PTPRJ: variants seen among roughly 807,000 people sequenced by gnomAD.
PTPRJ encodes receptor-type tyrosine-protein phosphatase eta.
In PTPRJ, 129 loss-of-function variants were observed where a neutral mutation model predicts 141.3. The ratio of observed to expected loss-of-function variants is 0.91; its 90% CI spans 0.79 to 1.06. The LOEUF (loss-of-function observed/expected upper bound fraction) is 1.06, where lower values mean the gene tolerates loss of function less well. PTPRJ is among the 50% of genes least tolerant of loss of function. The probability of loss-of-function intolerance (pLI) is 0.00; values close to 1 mark genes in which losing one functional copy is unlikely to be tolerated. For synonymous variants in PTPRJ, 610 were observed against 640.5 expected (o/e 0.95, Z 0.72); for missense variants, 1,601 against 1,679.7 (o/e 0.95, Z 0.82).
At chr11:48,059,186 G>T (rs1182738276) in intron 1 of PTPRJ, among the ~76,000 whole-genome samples, 1 of 142,250 alleles carries the variant, frequency 7.0e-6, no homozygotes, top group Non-Finnish European at 1.5e-5. Context: ...GCAATGGCGT[G>T]ATCTCAGCTC....
chr11:48,122,246 G>A (rs1297351503), intron 4 of PTPRJ, among the ~76,000 whole-genome samples: 1 of 152,182 alleles, frequency 6.6e-6, no homozygotes, highest in Non-Finnish European at 1.5e-5. Context: ...GGAAAGGAGA[G>A]CACAGAGAGA....
At chr11:48,117,914 C>T (rs1196255324) in intron 3 of PTPRJ, among the ~76,000 whole-genome samples, 1 of 151,940 alleles carries the variant, frequency 6.6e-6, no homozygotes, top group East Asian at 1.9e-4. Context: ...TACAAAGGAA[C>T]AATTATGAAC....
Position 48,168,532 on chromosome 11 carries a change from G to GTATATATATATATATATATA in PTPRJ, c.*1171_*1172insATATATATATATATATATAT, listed in dbSNP as rs1555061195. ...GCCGTGACACATATCGGAATCTACT[G>GTATATATATATATATATATA]TGTATATATATATATATATATATAT... is the stretch of plus-strand genomic sequence containing the variant. On this transcript the variant is annotated 3_prime_UTR_variant, in exon 25 of 25. Transcript: ENST00000418331. 2.3e-5 allele frequency: 1 copy of GTATATATATATATATATATA among 43,900 alleles called. No individual in the cohort carries two copies. The highest frequency in any genetic ancestry group is 4.3e-5 in the Non-Finnish European group (1 of 23,218). The allele number at this position is 43,900 out of a possible 1,614,324, so 2.7% of individuals were successfully genotyped here. A position where few individuals can be genotyped will look rare whatever the true frequency, so the allele number is the denominator to read the frequency against.
At chr11:47,990,623 G>A (rs1376675856) in intron 1 of PTPRJ, among the ~76,000 whole-genome samples, 1 of 151,564 alleles carries the variant, frequency 6.6e-6, no homozygotes, top group Non-Finnish European at 1.5e-5. Context: ...TGTTGGCCAG[G>A]CTGGTCTGGA....
At chr11:48,030,356 C>T (rs2626571) in intron 1 of PTPRJ, among the ~76,000 whole-genome samples, 1 of 152,176 alleles carries the variant, frequency 6.6e-6, no homozygotes, top group Non-Finnish European at 1.5e-5. Context: ...CTCTTAGAGG[C>T]CCCAGGCTGT....
intron 1 of PTPRJ, among the ~76,000 whole-genome samples, chr11:48,096,620 C>T (rs1299682360): frequency 2.6e-5 from 4 of 151,612 alleles, no homozygotes; most frequent in Admixed American, 2.0e-4. Context: ...AACCAAACCA[C>T]CCCTCAGTTC....
intron 5 of PTPRJ, 114 bp downstream of exon 5, chr11:48,123,984 G>T: frequency 8.0e-7 from 1 of 1,246,518 alleles, no homozygotes; most frequent in Non-Finnish European, 1.1e-6. Context: ...ATTTATAAAG[G>T]GCTTTTCCTC....
intron 1 of PTPRJ, among the ~76,000 whole-genome samples, chr11:47,987,242 G>A (rs1215399142): frequency 1.3e-5 from 2 of 152,030 alleles, no homozygotes; most frequent in African/African-American, 2.4e-5. Flanking sequence ...ATTTATTTTA[G>A]GGGGTCTTAG....
chr11:48,063,342 C>G lies in PTPRJ; in HGVS notation c.97-46716C>G, dbSNP rs572197665. On this transcript the variant is annotated intron_variant, in intron 1 of 24. Transcript: ENST00000418331. ...GACTCCATCTCAAAAACAACAACAACAAGAACAACAAGAACAAAAGAAAAA... is the reference window on the plus strand; with the variant it reads ...GACTCCATCTCAAAAACAACAACAAGAAGAACAACAAGAACAAAAGAAAAA... 4.6e-5 allele frequency among the ~76,000 whole-genome samples: 7 copies of G among 152,256 alleles called. No homozygotes were observed. The East Asian group carries it at 1.4e-3, about 29-fold the overall frequency.
intron 9 of PTPRJ, among the ~76,000 whole-genome samples, chr11:48,136,547 C>A (rs1208143149): frequency 6.6e-6 from 1 of 152,190 alleles, no homozygotes; most frequent in Non-Finnish European, 1.5e-5. Context: ...TGGTTCTAGT[C>A]ATTCCTTGAG....
At chr11:48,117,238 C>T (rs1021310676) in intron 3 of PTPRJ, among the ~76,000 whole-genome samples, 2 of 152,022 alleles carry the variant, frequency 1.3e-5, no homozygotes, top group African/African-American at 4.8e-5. Context: ...GCAATAAACT[C>T]CTACATCAAA....
At chr11:48,138,367 C>A (rs1257917219) in intron 10 of PTPRJ, among the ~76,000 whole-genome samples, 2 of 152,158 alleles carry the variant, frequency 1.3e-5, no homozygotes, top group Non-Finnish European at 2.9e-5. Context: ...TGTATCTGAG[C>A]ATTTATGACT....
intron 1 of PTPRJ, among the ~76,000 whole-genome samples, chr11:48,019,753 G>C (rs1313965036): frequency 6.6e-6 from 1 of 152,208 alleles, no homozygotes; most frequent in Admixed American, 6.5e-5. Context: ...ACAGCTGAGA[G>C]ATTAAGGCAG....
At position 48,114,429 on chromosome 11, in the gene PTPRJ, CAAAAAAAAAAAAAAAAA is replaced by C. The variant is rs71045544; in HGVS notation, c.352+1459_352+1475del. Among the ~76,000 whole-genome samples, 17 of 68,732 alleles carry C rather than the reference CAAAAAAAAAAAAAAAAA, an allele frequency of 2.5e-4. No individual in the cohort carries two copies. The East Asian group carries it at 8.1e-3, about 33-fold the overall frequency. The allele number at this position is 68,732 out of a possible 152,430, so 45.1% of individuals were successfully genotyped here. ...CTCCCGACAGAGTGAGACTCTGTCT[CAAAAAAAAAAAAAAAAA>C]AAAAAAAAAAAAGAAAAATTCCTAG... On this transcript the variant is annotated intron_variant, in intron 3 of 24. Coordinates refer to ENST00000418331, the MANE Select transcript of PTPRJ (RefSeq NM_002843.4).
rs1368911702 is a variant in PTPRJ, at chr11:48,170,546, T to C, written c.*3184T>C. 1 of 152,216 alleles carries C rather than the reference T, an allele frequency of 6.6e-6. No homozygotes were observed. Among genetic ancestry groups the C allele is most frequent in the Non-Finnish European group, 1.5e-5 (1 of 68,036 alleles). The allele number at this position is 152,216 out of a possible 1,614,324, so 9.4% of individuals were successfully genotyped here. A position where few individuals can be genotyped will look rare whatever the true frequency, so the allele number is the denominator to read the frequency against. On this transcript the variant is annotated 3_prime_UTR_variant, in exon 25 of 25. Coordinates refer to ENST00000418331, the MANE Select transcript of PTPRJ (RefSeq NM_002843.4). Reference sequence around the variant, plus strand: ...GCTAAACAAGTCTTGGTGACTGTTGTTGATTTGCCTCAAAAGTTTTAAGTC... The same window carrying C: ...GCTAAACAAGTCTTGGTGACTGTTGCTGATTTGCCTCAAAAGTTTTAAGTC...
chr11:48,123,125 G>C (rs995834130), intron 4 of PTPRJ, among the ~76,000 whole-genome samples: 1 of 152,208 alleles, frequency 6.6e-6, no homozygotes. Flanking sequence ...TCCCCTTGGT[G>C]CTGGGATATT....
chr11:48,055,404 C>A (rs1854725921), intron 1 of PTPRJ, among the ~76,000 whole-genome samples: 1 of 152,152 alleles, frequency 6.6e-6, no homozygotes, highest in Non-Finnish European at 1.5e-5. Context: ...CCCAAATCTC[C>A]CGCCAGATCT....
chr11:48,137,944 T>C (rs1857143149), intron 10 of PTPRJ, among the ~76,000 whole-genome samples: 1 of 152,194 alleles, frequency 6.6e-6, no homozygotes, highest in South Asian at 2.1e-4. Context: ...GCCCTCTGTG[T>C]AATTGAGGAT....
intron 1 of PTPRJ, among the ~76,000 whole-genome samples, chr11:48,089,624 T>G (rs948005353): frequency 6.6e-6 from 1 of 152,196 alleles, no homozygotes; most frequent in Admixed American, 6.5e-5. Context: ...TTTTTAGTCT[T>G]TTAAAAAATG....
Sources: allele counts gnomAD v4.1 joint callset (sites outside exome capture counted in the v4.1 genomes callset), GRCh38; gene constraint gnomAD v4.1.1; transcripts MANE v1.5; gene names NCBI Gene and HGNC (gene_info 2026-07-23, HGNC 2026-07-21).